The following SUB1 variants were observed in gnomAD, a reference collection of about 807,000 sequenced individuals.
SUB1 encodes the protein SUB1 regulator of transcription.
SUB1 carries 1 observed loss-of-function variant against 16.9 expected under a neutral mutation model. The observed-to-expected ratio is 0.06, with a 90% CI of 0.02 to 0.28. The LOEUF (loss-of-function observed/expected upper bound fraction) is 0.28, where lower values mean the gene tolerates loss of function less well. Ranked by LOEUF, SUB1 falls within the 10% of genes least tolerant of loss-of-function variation. The probability of loss-of-function intolerance (pLI) is 1.00; values close to 1 mark genes in which losing one functional copy is unlikely to be tolerated. For synonymous variants in SUB1, 51 were observed against 46.9 expected, an observed-to-expected ratio of 1.09 and a Z score of -0.36; for missense variants, 84 against 145.2, an observed-to-expected ratio of 0.58 and a Z score of 2.16.
At chr5:32,587,805 C>T (rs2111651860) in intron 1 of SUB1, among the ~76,000 whole-genome samples, 1 of 152,190 alleles carries the variant, frequency 6.6e-6, no homozygotes, top group South Asian at 2.1e-4. Flanking sequence ...GATAGGGTTT[C>T]ACCATGTTGG....
chr5:32,586,706 T>C (rs973701451), intron 1 of SUB1, among the ~76,000 whole-genome samples: 2 of 152,210 alleles, frequency 1.3e-5, no homozygotes, highest in Admixed American at 6.5e-5. Context: ...TTAAAAAATA[T>C]CTTTTTGTCG....
chr5:32,602,523 C>T lies in SUB1; in HGVS notation c.*1439C>T. 5.8e-6 allele frequency: 1 copy of T among 172,756 alleles called. No individual in the cohort carries two copies. The highest frequency in any genetic ancestry group is 1.7e-4 in the East Asian group (1 of 5,998). The allele number at this position is 172,756 out of a possible 1,614,324, so 10.7% of individuals were successfully genotyped here. On this transcript the variant is annotated 3_prime_UTR_variant, in exon 5 of 5. Coordinates refer to ENST00000265073, the MANE Select transcript of SUB1 (RefSeq NM_006713.4). ...CATATTAGAGTTTTGCACTATTTTG[C>T]TACCAAGTTTGATTCATACATCTAA...
chr5:32,600,894 C>T lies in SUB1; in HGVS notation c.305-111C>T, dbSNP rs558030723. ...TGCTGGGATTACAGGTGTGAGCCAC[C>T]GCGCCCAGCCTAAAGTGGCAATTTT... On this transcript the variant is annotated intron_variant, in intron 4 of 4. Coordinates refer to ENST00000265073, the MANE Select transcript of SUB1 (RefSeq NM_006713.4). 89 of 935,188 alleles carry T rather than the reference C, an allele frequency of 9.5e-5. 1 individual carries two copies. The highest frequency in any genetic ancestry group is 3.2e-4 in the South Asian group (23 of 72,404). 57.9% of individuals were successfully genotyped at this position (935,188 alleles called of 1,614,324 possible).
chr5:32,601,912 A>G lies in SUB1; in HGVS notation c.*828A>G, dbSNP rs73063661. 3.6e-4 allele frequency: 62 copies of G among 172,108 alleles called. No individual in the cohort carries two copies. The highest frequency in any genetic ancestry group is 1.4e-3 in the African/African-American group (60 of 41,956). The allele number at this position is 172,108 out of a possible 1,614,324, so 10.7% of individuals were successfully genotyped here. A position where few individuals can be genotyped will look rare whatever the true frequency, so the allele number is the denominator to read the frequency against. ...CATGGGATGATGTCTGTAACATCAGATATTGTTCAACTAGACTAGGATTTA... is the reference window on the plus strand; with the variant it reads ...CATGGGATGATGTCTGTAACATCAGGTATTGTTCAACTAGACTAGGATTTA... On this transcript the variant is annotated 3_prime_UTR_variant, in exon 5 of 5. Transcript: ENST00000265073.
Position 32,602,599 on chromosome 5 carries a change from G to T in SUB1, c.*1515G>T. On this transcript the variant is annotated 3_prime_UTR_variant, in exon 5 of 5. Transcript: ENST00000265073. Reference sequence around the variant, plus strand: ...ACTTAATTTGAAAATCATTTGCCAGGCCACATAGTTATCAATTTTTTTTTC... The same window carrying T: ...ACTTAATTTGAAAATCATTTGCCAGTCCACATAGTTATCAATTTTTTTTTC... 6.3e-6 allele frequency: 1 copy of T among 159,478 alleles called. No individual in the cohort carries two copies. The highest frequency in any genetic ancestry group is 6.1e-5 in the Admixed American group (1 of 16,452). The allele number at this position is 159,478 out of a possible 1,614,324, so 9.9% of individuals were successfully genotyped here.
At chr5:32,596,479 A>G (rs183578657) in intron 3 of SUB1, 157 of 152,222 alleles carry the variant, frequency 1.0e-3, no homozygotes, top group African/African-American at 3.6e-3. Flanking sequence ...TGGCCACAAA[A>G]ATTTTTGCCA....
rs543880503 is a variant in SUB1 at position 32,602,747 on chromosome 5, G to C, written c.*1663G>C. 6.5e-6 allele frequency: 1 copy of C among 153,670 alleles called. No homozygotes were observed. The highest frequency in any genetic ancestry group is 2.0e-4 in the South Asian group (1 of 4,968). The allele number at this position is 153,670 out of a possible 1,614,324, so 9.5% of individuals were successfully genotyped here. ...GTAATTTAGCCTTCATCGAATAATA[G>C]GTACCAGTGTATTAAAAATGTGTAT... On this transcript the variant is annotated 3_prime_UTR_variant, in exon 5 of 5. Coordinates refer to ENST00000265073, the MANE Select transcript of SUB1 (RefSeq NM_006713.4).
intron 3 of SUB1, among the ~76,000 whole-genome samples, chr5:32,592,429 C>T (rs959900415): frequency 8.5e-5 from 13 of 152,118 alleles, no homozygotes; most frequent in Admixed American, 2.6e-4. Flanking sequence ...CTAGAGAGGA[C>T]TCGTATAGCT....
intron 3 of SUB1, chr5:32,597,858 G>GA (rs912303836): frequency 3.9e-5 from 6 of 152,064 alleles, no homozygotes; most frequent in African/African-American, 1.5e-4. Flanking sequence ...GTAAGCTAGA[G>GA]AAAAGAAAAT....
At position 32,598,951 on chromosome 5, in the gene SUB1, T is replaced by A. The variant is rs79931978; in HGVS notation, c.196-10T>A. ...AGGAGCACCTCTTTTTATGTTTGTT[T>A]CTTTTGCAGATTGGGAAAATGAGGT... On this transcript the variant is annotated splice_polypyrimidine_tract_variant and intron_variant, in intron 3 of 4. Transcript: ENST00000265073. The A allele has an allele frequency of 2.2e-3, 3,591 of 1,603,822 alleles. 129 individuals carry two copies. In the Admixed American group the frequency reaches 0.059, roughly 26 times the overall value.
intron 3 of SUB1, among the ~76,000 whole-genome samples, chr5:32,594,397 C>A (rs971413426): frequency 1.3e-5 from 2 of 152,152 alleles, no homozygotes; most frequent in Non-Finnish European, 2.9e-5. Context: ...CCATATTTTT[C>A]TTCAGAGTTA....
intron 4 of SUB1, among the ~76,000 whole-genome samples, chr5:32,600,360 T>C (rs541865087): frequency 6.6e-6 from 1 of 152,330 alleles, no homozygotes; most frequent in Non-Finnish European, 1.5e-5. Flanking sequence ...GCTGGAAATA[T>C]AGTAATGGGG....
At chr5:32,596,713 T>A (rs1431146595) in intron 3 of SUB1, 2 of 152,172 alleles carry the variant, frequency 1.3e-5, no homozygotes, top group Non-Finnish European at 2.9e-5. Context: ...AGTGAATATA[T>A]CCAATGCGTG....
At chr5:32,591,529 T>A in intron 2 of SUB1, 34 bp from the exon 3 acceptor site, 1 of 1,568,252 alleles carries the variant, frequency 6.4e-7, no homozygotes, top group Non-Finnish European at 8.6e-7. Flanking sequence ...GTTTTATTTT[T>A]ATGTGTGCAA....
At chr5:32,588,335 T>C (rs925718327) in intron 1 of SUB1, among the ~76,000 whole-genome samples, 177 bp from the exon 2 acceptor site, 1 of 152,200 alleles carries the variant, frequency 6.6e-6, no homozygotes, top group Non-Finnish European at 1.5e-5. Context: ...TGCGTGTTAT[T>C]TGCAACTTAA....
intron 3 of SUB1, chr5:32,595,149 C>G (rs1738926906): frequency 6.6e-6 from 1 of 151,308 alleles, no homozygotes; most frequent in East Asian, 1.9e-4. Flanking sequence ...CTCTTTTTTT[C>G]CCCCCAAGGG....
intron 2 of SUB1, among the ~76,000 whole-genome samples, chr5:32,591,074 A>G (rs899282741): frequency 2.0e-5 from 3 of 152,064 alleles, no homozygotes; most frequent in Admixed American, 6.6e-5. Context: ...CGGCCCATAA[A>G]TTCCTTAAGC....
At chr5:32,595,424 A>T (rs1222575872) in intron 3 of SUB1, 5 of 152,228 alleles carry the variant, frequency 3.3e-5, no homozygotes, top group Non-Finnish European at 7.3e-5. Context: ...GTATAAATGG[A>T]TACATGCAGT....
Position 32,601,980 on chromosome 5 carries a change from A to G in SUB1, c.*896A>G. 1 of 168,624 alleles carries G rather than the reference A, an allele frequency of 5.9e-6. No individual in the cohort carries two copies. The highest frequency in any genetic ancestry group is 6.0e-5 in the Admixed American group (1 of 16,700). 10.4% of individuals were successfully genotyped at this position (168,624 alleles called of 1,614,324 possible). A position where few individuals can be genotyped will look rare whatever the true frequency, so the allele number is the denominator to read the frequency against. On this transcript the variant is annotated 3_prime_UTR_variant, in exon 5 of 5. Transcript: ENST00000265073. The stretch of plus-strand genomic sequence containing the variant: ...TTACTGGCCTAACATTTTATTTTAT[A>G]ATATTGGGTATGAATTATATGTAGC...
Sources: allele counts gnomAD v4.1 joint callset (sites outside exome capture counted in the v4.1 genomes callset), GRCh38; gene constraint gnomAD v4.1.1; transcripts MANE v1.5; gene names NCBI Gene and HGNC (gene_info 2026-07-23, HGNC 2026-07-21).